The following PPARGC1A variants were observed in gnomAD, a reference collection of about 807,000 sequenced individuals.
The protein encoded by PPARGC1A is peroxisome proliferator-activated receptor gamma coactivator 1-alpha.
In PPARGC1A, 25 loss-of-function variants were observed where a neutral mutation model predicts 88.7. That is an observed-to-expected ratio of 0.28 (90% CI 0.21 to 0.39). PPARGC1A has a LOEUF of 0.39. PPARGC1A is among the 10% of genes least tolerant of loss of function. PPARGC1A has a pLI of 1.00. For missense variants in PPARGC1A, 880 were observed against 968.7 expected (o/e 0.91, Z 1.22); for synonymous variants, 363 against 355.6 (o/e 1.02, Z -0.24).
intron 2 of PPARGC1A, among the ~76,000 whole-genome samples, chr4:23,858,354 T>A (rs904626317): frequency 2.0e-5 from 3 of 152,150 alleles, no homozygotes; most frequent in African/African-American, 7.2e-5. Flanking sequence ...GATCAGTAAA[T>A]GTTTGCTGAA....
chr4:24,235,642 C>G, the PPARGC1A span, among the ~76,000 whole-genome samples: 2 of 152,216 alleles, frequency 1.3e-5, no homozygotes, highest in East Asian at 3.9e-4. Context: ...TCAATAATGG[C>G]AGAACAAAAT....
At chr4:24,401,164 G>A in the PPARGC1A span, among the ~76,000 whole-genome samples, 2 of 151,504 alleles carry the variant, frequency 1.3e-5, no homozygotes, top group African/African-American at 2.4e-5. Context: ...GGCTACAGGC[G>A]CCCACCACTA....
At chr4:23,964,235 G>A in the PPARGC1A span, among the ~76,000 whole-genome samples, 1 of 152,078 alleles carries the variant, frequency 6.6e-6, no homozygotes, top group Non-Finnish European at 1.5e-5. Flanking sequence ...AGAAAATTAA[G>A]GCACAGAGAG....
At chr4:23,940,668 AG>A in the PPARGC1A span, among the ~76,000 whole-genome samples, 1 of 152,236 alleles carries the variant, frequency 6.6e-6, no homozygotes, top group African/African-American at 2.4e-5. Context: ...TCAACAAAGA[AG>A]AAAACGAAAA....
chr4:24,256,120 C>G, the PPARGC1A span, among the ~76,000 whole-genome samples: 23 of 152,248 alleles, frequency 1.5e-4, no homozygotes, highest in Admixed American at 1.4e-3. Context: ...GAGAAGGTTG[C>G]CAGCAGTCAA....
chr4:24,044,481 A>T, the PPARGC1A span, among the ~76,000 whole-genome samples: 1 of 152,198 alleles, frequency 6.6e-6, no homozygotes, highest in Non-Finnish European at 1.5e-5. Flanking sequence ...GGGTCAGAGC[A>T]GCCATTTTGG....
chr4:23,960,336 G>A, the PPARGC1A span, among the ~76,000 whole-genome samples: 1 of 152,032 alleles, frequency 6.6e-6, no homozygotes, highest in East Asian at 1.9e-4. Flanking sequence ...GGATGTTGCT[G>A]AACATTCTAC....
the PPARGC1A span, among the ~76,000 whole-genome samples, chr4:24,230,358 A>G: frequency 6.6e-6 from 1 of 152,156 alleles, no homozygotes; most frequent in South Asian, 2.1e-4. Flanking sequence ...CCTTCTGAGG[A>G]AGGTGTGAGT....
the PPARGC1A span, among the ~76,000 whole-genome samples, chr4:24,408,101 C>A: frequency 3.9e-3 from 595 of 152,252 alleles, 2 homozygotes; most frequent in African/African-American, 0.013. Context: ...CTACCAAAAT[C>A]TTGGACCTGA....
At chr4:24,062,856 T>C in the PPARGC1A span, among the ~76,000 whole-genome samples, 2 of 152,254 alleles carry the variant, frequency 1.3e-5, no homozygotes, top group South Asian at 4.1e-4. Context: ...TCTTATTTTT[T>C]AGTCCTTGTA....
the PPARGC1A span, among the ~76,000 whole-genome samples, chr4:24,402,172 C>G: frequency 2.8e-4 from 43 of 152,300 alleles, no homozygotes; most frequent in Non-Finnish European, 4.9e-4. Context: ...CATCCTACCC[C>G]ACTCCGTAAC....
intron 7 of PPARGC1A, among the ~76,000 whole-genome samples, chr4:23,823,291 C>G (rs932314958): frequency 6.6e-6 from 1 of 151,782 alleles, no homozygotes; most frequent in Non-Finnish European, 1.5e-5. Context: ...AAAGTGGCTA[C>G]CATCTATAAT....
chr4:23,820,281 C>T (rs60307967), intron 7 of PPARGC1A, among the ~76,000 whole-genome samples: 1 of 152,226 alleles, frequency 6.6e-6, no homozygotes, highest in Non-Finnish European at 1.5e-5. Flanking sequence ...TGAAGGCCTA[C>T]TTGTTTTAGG....
At chr4:24,374,615 C>T in the PPARGC1A span, among the ~76,000 whole-genome samples, 65 of 150,928 alleles carry the variant, frequency 4.3e-4, no homozygotes, top group Non-Finnish European at 8.1e-4. Flanking sequence ...ATGAGGTATA[C>T]GAACAGCCAG....
chr4:24,215,592 T>C, the PPARGC1A span, among the ~76,000 whole-genome samples: 1 of 152,204 alleles, frequency 6.6e-6, no homozygotes, highest in Admixed American at 6.5e-5. Context: ...TTGAAATACT[T>C]ATTACGGAAG....
the PPARGC1A span, among the ~76,000 whole-genome samples, chr4:24,253,513 A>T: frequency 6.6e-6 from 1 of 152,216 alleles, no homozygotes; most frequent in African/African-American, 2.4e-5. Context: ...CTATTCTTTC[A>T]ACTTTTCCGT....
intron 7 of PPARGC1A, chr4:23,820,587 C>T (rs1268887565): frequency 4.7e-6 from 2 of 425,580 alleles, no homozygotes; most frequent in East Asian, 7.7e-5. Context: ...ATTCTCTTTT[C>T]TCTCATCTTG....
the PPARGC1A span, among the ~76,000 whole-genome samples, chr4:24,130,614 C>T: frequency 6.6e-6 from 1 of 152,046 alleles, no homozygotes; most frequent in Admixed American, 6.6e-5. Context: ...CATTTTTGAC[C>T]ATAAACTGTC....
chr4:24,299,146 A>C, the PPARGC1A span, among the ~76,000 whole-genome samples: 1 of 152,182 alleles, frequency 6.6e-6, no homozygotes, highest in Non-Finnish European at 1.5e-5. Flanking sequence ...CAGATTGAAC[A>C]CAAAGAACAG....
Sources: gnomAD v4.1 joint callset for allele counts (sites outside exome capture counted in the v4.1 genomes callset) on GRCh38, gnomAD v4.1.1 for gene constraint, MANE v1.5 for transcripts, NCBI Gene and HGNC (gene_info 2026-07-23, HGNC 2026-07-21) for gene names.